Variants in MATN4 observed in about 807,000 individuals in gnomAD.
The protein encoded by MATN4 is matrilin 4, also known as matrilin-4.
In MATN4, 40 loss-of-function variants were observed where a neutral mutation model predicts 54.6. The observed-to-expected ratio is 0.73, with a 90% CI of 0.57 to 0.95. The LOEUF (loss-of-function observed/expected upper bound fraction) is 0.95. Ranked by LOEUF, MATN4 falls within the 40% of genes least tolerant of loss-of-function variation. The probability of loss-of-function intolerance (pLI) is 0.00; values close to 1 mark genes in which losing one functional copy is unlikely to be tolerated. For synonymous variants in MATN4, 351 were observed against 345.3 expected, an observed-to-expected ratio of 1.02 and a Z score of -0.18; for missense variants, 810 against 819.1, an observed-to-expected ratio of 0.99 and a Z score of 0.13.
intron 1 of MATN4, among the ~76,000 whole-genome samples, chr20:45,307,412 C>T (rs1172531661): frequency 5.3e-5 from 8 of 152,160 alleles, no homozygotes; most frequent in African/African-American, 1.7e-4. Flanking sequence ...TGGCAGGGCC[C>T]GTCGTGGGAG....
intron 1 of MATN4, among the ~76,000 whole-genome samples, chr20:45,307,485 T>C (rs940556141): frequency 5.3e-5 from 8 of 152,154 alleles, no homozygotes; most frequent in Non-Finnish European, 1.0e-4. Context: ...CTTGTCAAGC[T>C]TGGGCCACAG....
Position 45,298,194 on chromosome 20 carries a change from A to ACACCGACCG in MATN4, c.1401_1402insCGGTCGGTG (p.Val467_Trp468insArgSerVal). 1 of 1,599,324 alleles carries ACACCGACCG rather than the reference A, an allele frequency of 6.3e-7. No homozygotes were observed. Among genetic ancestry groups the ACACCGACCG allele is most frequent in the Non-Finnish European group, 8.5e-7 (1 of 1,169,708 alleles). ...CCTTCCTCCTTGGCGCGCGCTGCCCACACCGAGATGTCATCCTGGGAGCGG... is the reference window on the plus strand; with the variant it reads ...CCTTCCTCCTTGGCGCGCGCTGCCCACACCGACCGCACCGAGATGTCATCCTGGGAGCGG... On this transcript the variant is annotated inframe_insertion, in exon 7 of 10. Transcript: ENST00000372756. This position sits in a 1 kb window ranked among gnomAD's most constrained non-coding sequence, Gnocchi z 4.6.
At chr20:45,301,062 T>C (rs1287322055) in intron 5 of MATN4, 40 bp downstream of exon 5, 2 of 1,613,878 alleles carry the variant, frequency 1.2e-6, no homozygotes, top group African/African-American at 2.7e-5. Flanking sequence ...CCAGCTAAGA[T>C]CTCTTACCCC....
chr20:45,300,327 G>A (rs1260510234), intron 6 of MATN4, among the ~76,000 whole-genome samples: 1 of 152,132 alleles, frequency 6.6e-6, no homozygotes, highest in Admixed American at 6.6e-5. Flanking sequence ...GGCAGGAGAT[G>A]GGCAGATGGA....
Position 45,298,663 on chromosome 20 carries a change from GCAAA to G in MATN4, c.1013-84_1013-81del, listed in dbSNP as rs2145648592. 8.6e-7 allele frequency: 1 copy of G among 1,158,422 alleles called. No homozygotes were observed. Among genetic ancestry groups the G allele is most frequent in the South Asian group, 1.5e-5 (1 of 65,566 alleles). 71.8% of individuals were successfully genotyped at this position (1,158,422 alleles called of 1,614,324 possible). A position where few individuals can be genotyped will look rare whatever the true frequency, so the allele number is the denominator to read the frequency against. On this transcript the variant is annotated intron_variant, in intron 6 of 9. Coordinates refer to ENST00000372756, the MANE Select transcript of MATN4 (RefSeq NM_001393530.1). This position sits in a 1 kb window ranked among gnomAD's most constrained non-coding sequence, Gnocchi z 4.6. ...TGTCTATCCATCTAGTCGTTCATTC[GCAAA>G]CATTTATTATATAACAGACAACATT... is the stretch of plus-strand genomic sequence containing the variant.
At position 45,301,385 on chromosome 20, in the gene MATN4, TG is replaced by T. The variant is rs1986223372; in HGVS notation, c.701del (p.Pro234GlnfsTer80). 6.2e-7 allele frequency: 1 copy of T among 1,614,034 alleles called. No homozygotes were observed. Among genetic ancestry groups the T allele is most frequent in the African/African-American group, 1.3e-5 (1 of 74,928 alleles). On this transcript the variant is annotated frameshift_variant, in exon 4 of 10. Transcript: ENST00000372756. LOFTEE classifies it high-confidence loss of function. ...HGCEHHCVNS[P>X]GSYFCHCQVG... ...CTTGGCAGTGACAGAAATAGGAGCCTGGGGAATTGACGCAGTGGTGCTCACA... is the reference window on the plus strand; with the variant it reads ...CTTGGCAGTGACAGAAATAGGAGCCTGGGAATTGACGCAGTGGTGCTCACA...
chr20:45,301,042 A>G, intron 5 of MATN4, 33 bp from the exon 6 acceptor site: 1 of 1,614,066 alleles, frequency 6.2e-7, no homozygotes, highest in Non-Finnish European at 8.5e-7. Context: ...ATGAGTCAGG[A>G]TGGACCCCAC....
At position 45,305,251 on chromosome 20, in the gene MATN4, T is replaced by A. The variant is rs191090419; in HGVS notation, c.73+259A>T. Among the ~76,000 whole-genome samples the A allele has an allele frequency of 1.8e-3, 267 of 152,310 alleles. 1 individual carries two copies. The highest frequency in any genetic ancestry group is 6.1e-3 in the African/African-American group (253 of 41,572). On this transcript the variant is annotated intron_variant, in intron 2 of 9. Coordinates refer to ENST00000372756, the MANE Select transcript of MATN4 (RefSeq NM_001393530.1). ...ACTAAACAGGGATTTTTATGTAAAA[T>A]TTCCTGGTTTTTTTCCATGTTTTCA...
chr20:45,302,537 A>C (rs189742479), intron 3 of MATN4, among the ~76,000 whole-genome samples: 15 of 152,206 alleles, frequency 9.9e-5, no homozygotes, highest in Admixed American at 8.5e-4. Context: ...TTGAGAGGCC[A>C]AGGCGGGAGG....
intron 2 of MATN4, 35 bp downstream of exon 2, chr20:45,305,475 C>G: frequency 1.3e-6 from 2 of 1,521,018 alleles, no homozygotes; most frequent in South Asian, 2.4e-5. Context: ...TTCCGCTCCC[C>G]TCCTCCCACT....
chr20:45,302,416 T>C (rs1351916946), intron 3 of MATN4, among the ~76,000 whole-genome samples: 6 of 152,238 alleles, frequency 3.9e-5, no homozygotes, highest in Non-Finnish European at 5.9e-5. Flanking sequence ...CAATGTCTAA[T>C]ACTAACTTGG....
chr20:45,299,853 G>A (rs1368730563), intron 6 of MATN4, among the ~76,000 whole-genome samples: 4 of 124,210 alleles, frequency 3.2e-5, no homozygotes, highest in Non-Finnish European at 6.3e-5. Context: ...ACTCCAGCCC[G>A]AGAAACAGAG....
At chr20:45,299,086 A>G (rs1048431843) in intron 6 of MATN4, among the ~76,000 whole-genome samples, 1 of 152,160 alleles carries the variant, frequency 6.6e-6, no homozygotes, top group Admixed American at 6.5e-5. Context: ...TGATTGCCCC[A>G]GATTTCATAG....
chr20:45,298,305 T>C lies in MATN4; in HGVS notation c.1291A>G (p.Met431Val). The C allele has an allele frequency of 6.2e-7, 1 of 1,613,506 alleles. No homozygotes were observed. Among genetic ancestry groups the C allele is most frequent in the Non-Finnish European group, 8.5e-7 (1 of 1,179,898 alleles). Residue 431 changes from methionine (M) to valine (V), a missense_variant, in exon 7 of 10, where the codon ATG becomes GTG. Met to Val is a conservative substitution (Grantham distance 21, BLOSUM62 1). Coordinates refer to ENST00000372756, the MANE Select transcript of MATN4 (RefSeq NM_001393530.1). The surrounding 1 kb of genome is among the most constrained non-coding windows in gnomAD (Gnocchi z 4.6). ...GCCTCGGAGAAGCTGTGCTCCACCA[T>C]GTGCCGCAACGCCAGCCCTGTCATG... is the stretch of plus-strand genomic sequence containing the variant. ...GTMTGLALRHMVEHSFSEAQG... is the reference protein window; with the variant it reads ...GTMTGLALRHVVEHSFSEAQG...
In MATN4 at chr20:45,304,362, G is replaced by A. The variant is rs780190895; in HGVS notation, c.509C>T (p.Ala170Val). ...QARARGIEIY[A>V]VGVQRADVGS... The stretch of plus-strand genomic sequence containing the variant: ...CACGTCCGCGCGCTGCACCCCCACC[G>A]CGTAAATTTCAATGCCGCGGGCGCG... Residue 170 changes from alanine (A) to valine (V), a missense_variant, in exon 3 of 10, where the codon GCG (alanine) becomes GTG (valine). Ala to Val is a moderately conservative substitution (Grantham distance 64, BLOSUM62 0). Transcript: ENST00000372756. 4 of 1,503,952 alleles carry A rather than the reference G, an allele frequency of 2.7e-6. No individual in the cohort carries two copies. Among genetic ancestry groups the A allele is most frequent in the Admixed American group, 2.3e-5 (1 of 43,478 alleles). 93.2% of individuals were successfully genotyped at this position (1,503,952 alleles called of 1,614,324 possible).
In MATN4 at chr20:45,298,729, A is replaced by G; in HGVS notation, c.1013-146T>C. On this transcript the variant is annotated intron_variant, in intron 6 of 9. Transcript: ENST00000372756. This position sits in a 1 kb window ranked among gnomAD's most constrained non-coding sequence, Gnocchi z 4.6. ...TCCTGTGCCAGGCAGTGTGCTAAGT[A>G]ATAATAATTATCACCATCATCATCA... is the stretch of plus-strand genomic sequence containing the variant. 1 of 594,018 alleles carries G rather than the reference A, an allele frequency of 1.7e-6. No homozygotes were observed. The highest frequency in any genetic ancestry group is 2.9e-6 in the Non-Finnish European group (1 of 350,296). The allele number at this position is 594,018 out of a possible 1,614,324, so 36.8% of individuals were successfully genotyped here. A position where few individuals can be genotyped will look rare whatever the true frequency, so the allele number is the denominator to read the frequency against.
chr20:45,305,537 G>A lies in MATN4; in HGVS notation c.46C>T (p.Pro16Ser). The A allele has an allele frequency of 6.4e-7, 1 of 1,557,872 alleles. No homozygotes were observed. The highest frequency in any genetic ancestry group is 1.9e-5 in the Admixed American group (1 of 51,762). Reference sequence around the variant, plus strand: ...GTCAACTGGAGCTGGGTTTCCCAGGGCTGAAGAAGGAGCAGCAACACGGGC... The same window carrying A: ...GTCAACTGGAGCTGGGTTTCCCAGGACTGAAGAAGGAGCAGCAACACGGGC... ...CWPVLLLLLQ[P>S]WETQLQLTGP... Residue 16 changes from proline to serine, a missense_variant, in exon 2 of 10, where the codon CCC becomes TCC. Transcript: ENST00000372756.
intron 8 of MATN4, among the ~76,000 whole-genome samples, chr20:45,294,388 A>G (rs66503531): frequency 0.28 from 42,420 of 152,182 alleles, 6,243 homozygotes; most frequent in African/African-American, 0.35. Flanking sequence ...AATGGAGAAG[A>G]AGCTCAGAAG....
At chr20:45,307,130 G>A (rs1450908894) in intron 1 of MATN4, among the ~76,000 whole-genome samples, 2 of 151,976 alleles carry the variant, frequency 1.3e-5, no homozygotes, top group East Asian at 3.9e-4. Flanking sequence ...GCCCCCTGGC[G>A]CCTAGAATTC....
Sources: gnomAD v4.1 joint callset for allele counts (sites outside exome capture counted in the v4.1 genomes callset) on GRCh38, gnomAD v4.1.1 for gene constraint, Gnocchi (gnomAD v3.1) non-coding constraint, MANE v1.5 for transcripts, NCBI Gene and HGNC (gene_info 2026-07-23, HGNC 2026-07-21) for gene names.